Variants in LHFPL6 observed in about 807,000 individuals in gnomAD.
LHFPL6 encodes the protein LHFPL tetraspan subfamily member 6 protein.
Under a neutral mutation model 20.6 loss-of-function variants are expected in LHFPL6, and 9 were observed. The observed-to-expected ratio is 0.44, with a 90% CI of 0.26 to 0.76. LHFPL6 has a LOEUF of 0.76. LHFPL6 is among the 30% of genes least tolerant of loss of function. The pLI is 0.20. For missense variants in LHFPL6, 218 were observed against 253.5 expected, an observed-to-expected ratio of 0.86 and a Z score of 0.95; for synonymous variants, 105 against 98.7, an observed-to-expected ratio of 1.06 and a Z score of -0.38.
At chr13:39,352,909 A>ATGTATATATATT (rs71077229) in intron 3 of LHFPL6, among the ~76,000 whole-genome samples, 1 of 42,002 alleles carries the variant, frequency 2.4e-5, no homozygotes, top group Non-Finnish European at 4.7e-5. Context: ...ATATATATAA[A>ATGTATATATATT]TGTATATATA....
At chr13:39,490,022 A>T (rs1226410200) in intron 2 of LHFPL6, among the ~76,000 whole-genome samples, 1 of 152,218 alleles carries the variant, frequency 6.6e-6, no homozygotes, top group African/African-American at 2.4e-5. Context: ...TTCAAATCAA[A>T]TCCAAACTGC....
chr13:39,455,622 A>G (rs557884882), intron 2 of LHFPL6, among the ~76,000 whole-genome samples: 9 of 152,350 alleles, frequency 5.9e-5, no homozygotes, highest in African/African-American at 2.2e-4. Context: ...GAAATGCCTT[A>G]TGAGGACAAT....
At chr13:39,515,378 A>C (rs1869874599) in intron 2 of LHFPL6, among the ~76,000 whole-genome samples, 1 of 152,212 alleles carries the variant, frequency 6.6e-6, no homozygotes, top group Non-Finnish European at 1.5e-5. Context: ...ATCAGGAAAC[A>C]AGGTCATGCA....
At chr13:39,460,690 G>T (rs113765481) in intron 2 of LHFPL6, among the ~76,000 whole-genome samples, 7 of 152,328 alleles carry the variant, frequency 4.6e-5, no homozygotes, top group African/African-American at 1.7e-4. Flanking sequence ...GATGCTCTAG[G>T]TAGGAGTTAA....
rs558940343 is a variant in LHFPL6 at position 39,594,857 on chromosome 13, G to T, written c.385+5975C>A. Among the ~76,000 whole-genome samples the T allele has an allele frequency of 7.2e-5, 11 of 152,134 alleles. No individual in the cohort carries two copies. The East Asian group carries it at 1.7e-3, about 24-fold the overall frequency. On this transcript the variant is annotated intron_variant, in intron 2 of 3. Coordinates refer to ENST00000379589, the MANE Select transcript of LHFPL6 (RefSeq NM_005780.3). ...CTGGAAACCATCATTCTCAGCAAAC[G>T]ATCGCAAGGACAAAAAACCAAACAC...
At chr13:39,578,769 G>A (rs1420066118) in intron 2 of LHFPL6, among the ~76,000 whole-genome samples, 2 of 152,162 alleles carry the variant, frequency 1.3e-5, no homozygotes, top group Admixed American at 1.3e-4. Context: ...GGTAGATGGT[G>A]CTCTCCCAAA....
chr13:39,592,096 CAAA>C (rs997281311), intron 2 of LHFPL6, among the ~76,000 whole-genome samples: 1 of 120,262 alleles, frequency 8.3e-6, no homozygotes. Context: ...AACTCCGTCT[CAAA>C]AAAAAAAAAA....
intron 2 of LHFPL6, among the ~76,000 whole-genome samples, chr13:39,563,091 AAC>A (rs60324329): frequency 0.018 from 2,402 of 135,768 alleles, 30 homozygotes; most frequent in African/African-American, 0.036. Context: ...CAATACTAGA[AAC>A]ACACACACAC....
At chr13:39,347,912 T>A (rs1848735806) in intron 3 of LHFPL6, among the ~76,000 whole-genome samples, 1 of 152,228 alleles carries the variant, frequency 6.6e-6, no homozygotes, top group Admixed American at 6.5e-5. Flanking sequence ...GACCTATACA[T>A]AGTTCTATGA....
At chr13:39,550,939 G>T (rs1447381466) in intron 2 of LHFPL6, among the ~76,000 whole-genome samples, 1 of 152,072 alleles carries the variant, frequency 6.6e-6, no homozygotes, top group East Asian at 1.9e-4. Context: ...AATCAGAATA[G>T]TATAAAGAAT....
chr13:39,427,167 T>C (rs1470509361), intron 2 of LHFPL6, among the ~76,000 whole-genome samples: 1 of 151,916 alleles, frequency 6.6e-6, no homozygotes, highest in Non-Finnish European at 1.5e-5. Context: ...ATTCATCTAT[T>C]AGTTCAAGAA....
chr13:39,552,728 C>A (rs2138513211), intron 2 of LHFPL6, among the ~76,000 whole-genome samples: 1 of 152,336 alleles, frequency 6.6e-6, no homozygotes, highest in African/African-American at 2.4e-5. Flanking sequence ...AATGCACCAG[C>A]AACAGTGAAA....
intron 3 of LHFPL6, among the ~76,000 whole-genome samples, chr13:39,378,087 C>T (rs1870340092): frequency 6.6e-6 from 1 of 152,164 alleles, no homozygotes. Context: ...TTGTTGTCAC[C>T]TCTTCTCAGA....
At chr13:39,464,115 C>G (rs1872746359) in intron 2 of LHFPL6, among the ~76,000 whole-genome samples, 1 of 152,160 alleles carries the variant, frequency 6.6e-6, no homozygotes, top group Admixed American at 6.5e-5. Flanking sequence ...TCAAGTAGGT[C>G]TGTGACTTAC....
chr13:39,569,148 T>TGGACGGACGGACGGACGGAC (rs747576240), intron 2 of LHFPL6, among the ~76,000 whole-genome samples: 43 of 144,504 alleles, frequency 3.0e-4, no homozygotes, highest in South Asian at 9.0e-4. Context: ...GATGGATGGA[T>TGGACGGACGGACGGACGGAC]GGACGGACGG....
rs1415016476 is a variant in LHFPL6 at position 39,542,131 on chromosome 13, T to TAATAAA, written c.385+58700_385+58701insTTTATT. On this transcript the variant is annotated intron_variant, in intron 2 of 3. Transcript: ENST00000379589. ...ATAATAATAATAATAATAATAATAA[T>TAATAAA]AAAATAAAAATGCATGGGACAGGTT... is the stretch of plus-strand genomic sequence containing the variant. Among the ~76,000 whole-genome samples, 34 of 142,698 alleles carry TAATAAA rather than the reference T, an allele frequency of 2.4e-4. 1 individual carries two copies. The highest frequency in any genetic ancestry group is 2.4e-4 in the Non-Finnish European group (16 of 65,684). 93.6% of individuals were successfully genotyped at this position (142,698 alleles called of 152,430 possible).
intron 3 of LHFPL6, among the ~76,000 whole-genome samples, chr13:39,359,091 G>C (rs1457349247): frequency 1.3e-5 from 2 of 150,534 alleles, no homozygotes; most frequent in African/African-American, 2.5e-5. Context: ...GAACCCGGGA[G>C]GCGGATGTTT....
intron 2 of LHFPL6, among the ~76,000 whole-genome samples, chr13:39,437,803 G>A (rs562222377): frequency 8.7e-4 from 132 of 151,894 alleles, no homozygotes; most frequent in African/African-American, 2.8e-3. Flanking sequence ...TTGGGAGGCC[G>A]AGGCAGGAGA....
At chr13:39,371,889 T>C (rs542154618) in intron 3 of LHFPL6, among the ~76,000 whole-genome samples, 105 of 152,226 alleles carry the variant, frequency 6.9e-4, no homozygotes, top group Non-Finnish European at 7.2e-4. Flanking sequence ...ATTCCATTTC[T>C]GGGGAGAAGC....
Sources: gnomAD v4.1 joint callset for allele counts (sites outside exome capture counted in the v4.1 genomes callset) on GRCh38, gnomAD v4.1.1 for gene constraint, MANE v1.5 for transcripts, NCBI Gene and HGNC (gene_info 2026-07-23, HGNC 2026-07-21) for gene names.